DLGAP1: variants seen among roughly 807,000 people sequenced by gnomAD.
DLGAP1 encodes disks large-associated protein 1.
In DLGAP1, 11 loss-of-function variants were observed where a neutral mutation model predicts 90.8. That is an observed-to-expected ratio of 0.12 (90% CI 0.08 to 0.20). The LOEUF (loss-of-function observed/expected upper bound fraction) is 0.20. Ranked by LOEUF, DLGAP1 falls within the 10% of genes least tolerant of loss-of-function variation. The probability of loss-of-function intolerance (pLI) is 1.00; values close to 1 mark genes in which losing one functional copy is unlikely to be tolerated. For missense variants in DLGAP1, 1,050 were observed against 1,333.8 expected, an observed-to-expected ratio of 0.79 and a Z score of 3.31; for synonymous variants, 558 against 540.7, an observed-to-expected ratio of 1.03 and a Z score of -0.44.
intron 2 of DLGAP1, among the ~76,000 whole-genome samples, chr18:4,082,697 G>C (rs567434120): frequency 6.6e-6 from 1 of 151,344 alleles, no homozygotes; most frequent in African/African-American, 2.4e-5. Context: ...GTTTTCCTTT[G>C]GCCCCTACAC....
chr18:4,166,057 C>G (rs2076927884), intron 1 of DLGAP1, among the ~76,000 whole-genome samples: 1 of 151,800 alleles, frequency 6.6e-6, no homozygotes, highest in South Asian at 2.1e-4. Context: ...CACTCAGGAG[C>G]CTGAGGTAGA....
At chr18:3,618,031 C>A (rs943612076) in intron 7 of DLGAP1, among the ~76,000 whole-genome samples, 3 of 152,062 alleles carry the variant, frequency 2.0e-5, no homozygotes, top group African/African-American at 7.3e-5. Flanking sequence ...AAGTGAAACT[C>A]CATCTCAAAA....
At chr18:4,409,761 A>G (rs2082738065) in intron 1 of DLGAP1, among the ~76,000 whole-genome samples, 1 of 151,830 alleles carries the variant, frequency 6.6e-6, no homozygotes, top group Non-Finnish European at 1.5e-5. Flanking sequence ...TTTTGATGGG[A>G]TTGATTTTTT....
intron 3 of DLGAP1, among the ~76,000 whole-genome samples, chr18:3,981,992 T>C (rs1407302773): frequency 6.6e-6 from 1 of 152,128 alleles, no homozygotes; most frequent in Non-Finnish European, 1.5e-5. Context: ...TTTCTTTTCC[T>C]GATGGGTAAA....
At chr18:4,087,315 C>T (rs1233196815) in intron 2 of DLGAP1, among the ~76,000 whole-genome samples, 2 of 151,952 alleles carry the variant, frequency 1.3e-5, no homozygotes, top group African/African-American at 4.8e-5. Flanking sequence ...CTTATGATGG[C>T]CTTGATGCCC....
chr18:3,627,422 C>T (rs941082218), intron 7 of DLGAP1, among the ~76,000 whole-genome samples: 1 of 141,650 alleles, frequency 7.1e-6, no homozygotes, highest in African/African-American at 2.7e-5. Flanking sequence ...TTCCTTCGTA[C>T]AGTTCCATGA....
intron 4 of DLGAP1, among the ~76,000 whole-genome samples, chr18:3,829,674 C>G (rs1259347707): frequency 6.6e-6 from 1 of 152,246 alleles, no homozygotes; most frequent in Non-Finnish European, 1.5e-5. Context: ...AGAATCTTGT[C>G]AATAAAACCT....
At chr18:4,438,431 CAAAAAAAA>C (rs11389361) in intron 1 of DLGAP1, among the ~76,000 whole-genome samples, 6 of 52,108 alleles carry the variant, frequency 1.2e-4, no homozygotes, top group Non-Finnish European at 1.5e-4. Context: ...GACTCCATCT[CAAAAAAAA>C]AAAAAAAAAA....
chr18:3,656,195 A>G, intron 7 of DLGAP1: 3 of 1,210,042 alleles, frequency 2.5e-6, no homozygotes, highest in South Asian at 1.6e-5. Context: ...CGCATGCTTC[A>G]GATTTGGATT....
chr18:4,084,624 A>G lies in DLGAP1; in HGVS notation c.-159+66556T>C, dbSNP rs746135972. Reference sequence around the variant, plus strand: ...AAACAGGCCTTGCTCAGTTCCCTCCAGTTTATTGCCATGAGATCATTCTCC... The same window carrying G: ...AAACAGGCCTTGCTCAGTTCCCTCCGGTTTATTGCCATGAGATCATTCTCC... On this transcript the variant is annotated intron_variant, in intron 2 of 12. Coordinates refer to ENST00000315677, the MANE Select transcript of DLGAP1 (RefSeq NM_004746.4). The surrounding 1 kb of genome is among the most constrained non-coding windows in gnomAD (Gnocchi z 4.0). Among the ~76,000 whole-genome samples the G allele has an allele frequency of 3.9e-5, 6 of 152,188 alleles. No homozygotes were observed. Among genetic ancestry groups the G allele is most frequent in the Non-Finnish European group, 5.9e-5 (4 of 68,042 alleles).
At chr18:4,094,607 CTTTTTTT>C (rs35060422) in intron 2 of DLGAP1, among the ~76,000 whole-genome samples, 7 of 124,836 alleles carry the variant, frequency 5.6e-5, no homozygotes, top group South Asian at 2.6e-4. Flanking sequence ...CTTTCTCTTT[CTTTTTTT>C]TTTTTTTTTG....
chr18:4,080,890 CTTTTT>C (rs71160939), intron 2 of DLGAP1, among the ~76,000 whole-genome samples: 1 of 145,626 alleles, frequency 6.9e-6, no homozygotes, highest in African/African-American at 2.5e-5. Flanking sequence ...TTTGAATGCC[CTTTTT>C]TTTTTTTTTT....
chr18:3,522,570 C>T (rs2051282752), intron 10 of DLGAP1, among the ~76,000 whole-genome samples: 1 of 98,092 alleles, frequency 1.0e-5, no homozygotes, highest in Admixed American at 1.2e-4. Context: ...TTTTTGGAGA[C>T]CTCATTCTGT....
At chr18:3,891,016 A>G (rs1377595246) in intron 3 of DLGAP1, among the ~76,000 whole-genome samples, 2 of 152,228 alleles carry the variant, frequency 1.3e-5, no homozygotes, top group Non-Finnish European at 2.9e-5. Context: ...TTCAACAACT[A>G]TTTATTGAAT....
At chr18:3,621,277 A>G (rs1026625832) in intron 7 of DLGAP1, among the ~76,000 whole-genome samples, 1 of 137,310 alleles carries the variant, frequency 7.3e-6, no homozygotes, top group South Asian at 2.3e-4. Context: ...GATTCAATCC[A>G]TCTTAGGTTC....
chr18:4,063,686 G>C (rs559629651), intron 2 of DLGAP1, among the ~76,000 whole-genome samples: 5 of 152,026 alleles, frequency 3.3e-5, no homozygotes, highest in African/African-American at 1.2e-4. Flanking sequence ...CACTAAGGGA[G>C]CCTTCATCTA....
At position 3,534,630 on chromosome 18, in the gene DLGAP1, A is replaced by G. The variant is rs746259876; in HGVS notation, c.2058-15T>C. On this transcript the variant is annotated splice_polypyrimidine_tract_variant and intron_variant, in intron 9 of 12. Transcript: ENST00000315677. ...ACCTGCGGAAGCTTGGGAGAATAGA[A>G]AAAAGAAATTTAGTTAGAGGATATT... 13 of 1,524,184 alleles carry G rather than the reference A, an allele frequency of 8.5e-6. No individual in the cohort carries two copies. The highest frequency in any genetic ancestry group is 1.1e-5 in the Non-Finnish European group (13 of 1,138,988). 94.4% of individuals were successfully genotyped at this position (1,524,184 alleles called of 1,614,324 possible).
intron 1 of DLGAP1, among the ~76,000 whole-genome samples, chr18:4,416,261 T>G (rs1026441525): frequency 6.6e-6 from 1 of 152,156 alleles, no homozygotes; most frequent in South Asian, 2.1e-4. Flanking sequence ...GGCAATAGTG[T>G]CCTTTGTGGA....
At chr18:3,671,187 T>C (rs2060077899) in intron 7 of DLGAP1, among the ~76,000 whole-genome samples, 1 of 82,154 alleles carries the variant, frequency 1.2e-5, no homozygotes, top group African/African-American at 6.6e-5. Flanking sequence ...TTTGCTGCTT[T>C]TTTTTTTTTT....
Sources: allele counts gnomAD v4.1 joint callset (sites outside exome capture counted in the v4.1 genomes callset), GRCh38; gene constraint gnomAD v4.1.1; non-coding constraint Gnocchi (gnomAD v3.1); transcripts MANE v1.5; gene names NCBI Gene and HGNC (gene_info 2026-07-23, HGNC 2026-07-21).